Variants in RCC2 observed in about 807,000 individuals in gnomAD.
The protein encoded by RCC2 is regulator of chromosome condensation 2, also known as protein RCC2.
In RCC2, 19 loss-of-function variants were observed where a neutral mutation model predicts 64.1. The ratio of observed to expected loss-of-function variants is 0.30; its 90% CI spans 0.21 to 0.44. RCC2 has a LOEUF of 0.44. Ranked by LOEUF, RCC2 falls within the 20% of genes least tolerant of loss-of-function variation. The probability of loss-of-function intolerance (pLI) is 1.00; values close to 1 mark genes in which losing one functional copy is unlikely to be tolerated. For missense variants in RCC2, 508 were observed against 710.4 expected, an observed-to-expected ratio of 0.72 and a Z score of 3.24; for synonymous variants, 325 against 279.6, an observed-to-expected ratio of 1.16 and a Z score of -1.62.
chr1:17,416,697 G>A (rs767048995), intron 7 of RCC2, 51 bp from the exon 8 acceptor site: 500 of 1,561,696 alleles, frequency 3.2e-4, no homozygotes, highest in Non-Finnish European at 4.2e-4. Flanking sequence ...CACAAGGGAC[G>A]TGTCAGTGTG....
At chr1:17,422,936 T>C in intron 4 of RCC2, 100 bp from the exon 5 acceptor site, 1 of 1,468,162 alleles carries the variant, frequency 6.8e-7, no homozygotes, top group Non-Finnish European at 9.4e-7. Context: ...GATGCCCATC[T>C]GTCTCTGGAA....
At chr1:17,416,384 C>T (rs2075485209) in intron 8 of RCC2, 96 bp downstream of exon 8, 3 of 1,343,118 alleles carry the variant, frequency 2.2e-6, no homozygotes. Flanking sequence ...TACCTGGGAT[C>T]AGTTCCTAGC....
At chr1:17,413,778 T>C (rs1378289456) in intron 8 of RCC2, 61 bp from the exon 9 acceptor site, 2 of 1,462,882 alleles carry the variant, frequency 1.4e-6, no homozygotes, top group Non-Finnish European at 1.9e-6. Flanking sequence ...ACAAGAGGGG[T>C]CATCGTTTCT....
intron 2 of RCC2, among the ~76,000 whole-genome samples, chr1:17,431,359 A>AAAAAATATATATAT (rs1553158471): frequency 4.5e-5 from 2 of 44,928 alleles, no homozygotes; most frequent in African/African-American, 2.1e-4. Flanking sequence ...AAAAAAAAAA[A>AAAAAATATATATAT]ATATATATAT....
At chr1:17,424,714 G>A (rs958590473) in intron 4 of RCC2, among the ~76,000 whole-genome samples, 6 of 152,212 alleles carry the variant, frequency 3.9e-5, no homozygotes, top group African/African-American at 1.4e-4. Context: ...CTAAAAGCTA[G>A]CCAGAGGACC....
chr1:17,424,256 C>T (rs1355258315), intron 4 of RCC2, among the ~76,000 whole-genome samples: 1 of 152,248 alleles, frequency 6.6e-6, no homozygotes, highest in Admixed American at 6.5e-5. Flanking sequence ...TCCTCACCAA[C>T]TGCACTGTCT....
At chr1:17,412,879 T>G (rs2075442253) in intron 10 of RCC2, among the ~76,000 whole-genome samples, 194 bp downstream of exon 10, 1 of 152,242 alleles carries the variant, frequency 6.6e-6, no homozygotes, top group Admixed American at 6.5e-5. Flanking sequence ...AACAGCCATC[T>G]GTTCTAGCAG....
intron 2 of RCC2, among the ~76,000 whole-genome samples, chr1:17,433,420 CGGCGGGGCAG>C (rs949436235): frequency 1.3e-4 from 20 of 152,278 alleles, no homozygotes; most frequent in African/African-American, 2.6e-4. Flanking sequence ...CCACCCGGGG[CGGCGGGGCAG>C]GGCGGGGGTG....
chr1:17,416,297 T>TGACAGG (rs2075484041), intron 8 of RCC2, among the ~76,000 whole-genome samples, 183 bp downstream of exon 8: 1 of 152,122 alleles, frequency 6.6e-6, no homozygotes, highest in Non-Finnish European at 1.5e-5. Context: ...TAGGAGGCAG[T>TGACAGG]GACAGGGAAC....
intron 8 of RCC2, among the ~76,000 whole-genome samples, chr1:17,415,634 AG>A (rs754360116): frequency 6.6e-5 from 10 of 150,722 alleles, no homozygotes; most frequent in Non-Finnish European, 1.2e-4. Flanking sequence ...AGCTTGAAAC[AG>A]GAAGACAGAG....
At chr1:17,437,614 C>G (rs1172970265) in intron 2 of RCC2, among the ~76,000 whole-genome samples, 3 of 152,122 alleles carry the variant, frequency 2.0e-5, no homozygotes, top group Admixed American at 2.0e-4. Flanking sequence ...CGGCGGCAAA[C>G]AAAGCCCGAG....
At chr1:17,409,349 A>G (rs905103856) in intron 12 of RCC2, among the ~76,000 whole-genome samples, 155 bp from the exon 13 acceptor site, 1 of 152,232 alleles carries the variant, frequency 6.6e-6, no homozygotes, top group Non-Finnish European at 1.5e-5. Flanking sequence ...CAAGACAGCT[A>G]GTTTCCATGT....
At chr1:17,419,232 G>A (rs867669439) in intron 7 of RCC2, among the ~76,000 whole-genome samples, 1 of 152,156 alleles carries the variant, frequency 6.6e-6, no homozygotes, top group Admixed American at 6.5e-5. Context: ...GGCAGCGGGC[G>A]CCTGTAGTCC....
At position 17,422,266 on chromosome 1, in the gene RCC2, C is replaced by T; in HGVS notation, c.681G>A (p.Gly227=). ...LTETGSVFAF[G]ENKMGQLGLG... ...GGCCCAGCTGCCCCATCTTGTTTTC[C>T]CCAAACGCAAACACGGAGCCCGTTT... Residue 227 remains glycine (G), a synonymous_variant, in exon 6 of 13, where the codon GGG becomes GGA. Transcript: ENST00000375436. The T allele has an allele frequency of 1.2e-6, 2 of 1,611,378 alleles. No individual in the cohort carries two copies. The highest frequency in any genetic ancestry group is 1.7e-5 in the Admixed American group (1 of 59,898).
At chr1:17,425,451 A>G in intron 4 of RCC2, 90 bp downstream of exon 4, 1 of 1,324,000 alleles carries the variant, frequency 7.6e-7, no homozygotes, top group South Asian at 1.5e-5. Context: ...ATAAGACGCG[A>G]GTCTCTTTTC....
chr1:17,426,491 AC>A lies in RCC2; in HGVS notation c.380-808del, dbSNP rs368353401. On this transcript the variant is annotated intron_variant, in intron 3 of 12. Coordinates refer to ENST00000375436, the MANE Select transcript of RCC2 (RefSeq NM_018715.4). ...GGGGAAGCCCTCCAGGGCAACATCCACTGAGAAATCTCCTTCCCCCAGGGCT... is the reference window on the plus strand; with the variant it reads ...GGGGAAGCCCTCCAGGGCAACATCCATGAGAAATCTCCTTCCCCCAGGGCT... Among the ~76,000 whole-genome samples, 198 of 152,082 alleles carry A rather than the reference AC, an allele frequency of 1.3e-3. 1 individual carries two copies. Among genetic ancestry groups the A allele is most frequent in the South Asian group, 8.1e-3 (39 of 4,822 alleles).
chr1:17,413,482 G>A (rs544704968), intron 9 of RCC2, 55 bp downstream of exon 9: 2 of 1,565,120 alleles, frequency 1.3e-6, no homozygotes, highest in Non-Finnish European at 1.8e-6. Context: ...ACAGGACAAT[G>A]GCTACACGGT....
chr1:17,413,438 G>A, intron 9 of RCC2, 99 bp downstream of exon 9: 3 of 1,234,256 alleles, frequency 2.4e-6, no homozygotes, highest in Non-Finnish European at 2.3e-6. Context: ...AAGAACACTG[G>A]GAGGTAAAGA....
At chr1:17,438,196 C>G (rs1160935312) in intron 2 of RCC2, 34 bp downstream of exon 2, 2 of 1,185,604 alleles carry the variant, frequency 1.7e-6, no homozygotes, top group Non-Finnish European at 2.1e-6. Context: ...GGCCCCGGCC[C>G]TGCGCCCACC....
Sources: gnomAD v4.1 joint callset for allele counts (sites outside exome capture counted in the v4.1 genomes callset) on GRCh38, gnomAD v4.1.1 for gene constraint, MANE v1.5 for transcripts, NCBI Gene and HGNC (gene_info 2026-07-23, HGNC 2026-07-21) for gene names.